The following RYR3 variants were observed in gnomAD, a reference collection of about 807,000 sequenced individuals.
RYR3 encodes the protein brain ryanodine receptor-calcium release channel.
Under a neutral mutation model 584.3 loss-of-function variants are expected in RYR3, and 207 were observed. The ratio of observed to expected loss-of-function variants is 0.35; its 90% CI spans 0.32 to 0.40. RYR3 has a LOEUF of 0.40. Ranked by LOEUF, RYR3 falls within the 10% of genes least tolerant of loss-of-function variation. The pLI, the probability that RYR3 is intolerant of heterozygous loss-of-function variation, is 1.00. For missense variants in RYR3, 5,616 were observed against 6,089.2 expected, an observed-to-expected ratio of 0.92 and a Z score of 2.59; for synonymous variants, 2,416 against 2,248.5, an observed-to-expected ratio of 1.07 and a Z score of -2.11.
chr15:33,646,367 G>A lies in RYR3; in HGVS notation c.3782G>A (p.Gly1261Asp). The A allele has an allele frequency of 6.2e-7, 1 of 1,608,104 alleles. No individual in the cohort carries two copies. Among genetic ancestry groups the A allele is most frequent in the Non-Finnish European group, 8.5e-7 (1 of 1,175,796 alleles). ...TGTTTCCAGGTCATGAGGATTGATG[G>A]CACCATGGACAGCCCTCCGTGTCTC... ...HPHIEVMRID[G>D]TMDSPPCLKV... Residue 1261 changes from glycine to aspartate, a missense_variant, in exon 29 of 104, where the codon GGC (glycine) becomes GAC (aspartate). By Grantham distance (94) the Gly-to-Asp change is moderately conservative (BLOSUM62 -1). Transcript: ENST00000634891.
At position 33,662,641 on chromosome 15, in the gene RYR3, A is replaced by G. The variant is rs761349864; in HGVS notation, c.5111A>G (p.Gln1704Arg). Residue 1704 changes from glutamine (Q) to arginine (R), a missense_variant, in exon 35 of 104, where the codon CAG (glutamine) becomes CGG (arginine). Gln to Arg is a conservative substitution (Grantham distance 43). Coordinates refer to ENST00000634891, the MANE Select transcript of RYR3 (RefSeq NM_001036.6). Reference protein sequence around the residue: ...KALSMLTEAVQCSGAHIRDPV... With the variant: ...KALSMLTEAVRCSGAHIRDPV... The stretch of plus-strand genomic sequence containing the variant: ...CTGAGTATGCTGACAGAGGCAGTGC[A>G]GTGCAGCGGGGCCCACATCCGAGAC... 2.5e-6 allele frequency: 4 copies of G among 1,613,934 alleles called. No homozygotes were observed. Among genetic ancestry groups the G allele is most frequent in the Non-Finnish European group, 3.4e-6 (4 of 1,179,922 alleles).
intron 2 of RYR3, among the ~76,000 whole-genome samples, chr15:33,477,044 C>G (rs541655046): frequency 1.3e-5 from 2 of 152,242 alleles, no homozygotes; most frequent in Admixed American, 6.5e-5. Flanking sequence ...ACGAGCTGTA[C>G]CATTCTTAGA....
At chr15:33,625,291 A>T (rs768802841) in intron 20 of RYR3, among the ~76,000 whole-genome samples, 4 of 152,188 alleles carry the variant, frequency 2.6e-5, no homozygotes, top group Admixed American at 6.5e-5. Context: ...CCTTCCCCCG[A>T]CATGTGGGAA....
At chr15:33,671,805 CTTTTT>C (rs56206846) in intron 38 of RYR3, among the ~76,000 whole-genome samples, 4 of 80,314 alleles carry the variant, frequency 5.0e-5, no homozygotes, top group East Asian at 7.0e-4. Flanking sequence ...CCTTCTTTTT[CTTTTT>C]TTTTTTTTTT....
chr15:33,402,926 T>C (rs2042776699), intron 1 of RYR3, among the ~76,000 whole-genome samples: 1 of 152,244 alleles, frequency 6.6e-6, no homozygotes, highest in South Asian at 2.1e-4. Flanking sequence ...CAGCTGGATG[T>C]GGATGGGCAG....
At chr15:33,535,621 T>G (rs1260733264) in intron 5 of RYR3, among the ~76,000 whole-genome samples, 1 of 152,204 alleles carries the variant, frequency 6.6e-6, no homozygotes, top group South Asian at 2.1e-4. Flanking sequence ...TCAAATATGG[T>G]CACTGTATTT....
At chr15:33,530,302 C>G (rs1020499982) in intron 3 of RYR3, among the ~76,000 whole-genome samples, 1 of 152,202 alleles carries the variant, frequency 6.6e-6, no homozygotes, top group African/African-American at 2.4e-5. Flanking sequence ...GTACCTATGT[C>G]ACTTACATGC....
chr15:33,399,081 C>T (rs1448165293), intron 1 of RYR3, among the ~76,000 whole-genome samples: 5 of 152,082 alleles, frequency 3.3e-5, no homozygotes, highest in African/African-American at 4.8e-5. Flanking sequence ...GCAGAGACAC[C>T]ATGGTAAAGA....
rs767689632 is a variant in RYR3 at position 33,662,779 on chromosome 15, T to C, written c.5249T>C (p.Ile1750Thr). 1.1e-5 allele frequency: 17 copies of C among 1,613,900 alleles called. No individual in the cohort carries two copies. The highest frequency in any genetic ancestry group is 4.5e-5 in the East Asian group (2 of 44,898). Residue 1750 changes from isoleucine to threonine, a missense_variant, in exon 35 of 104, where the codon ATT (isoleucine) becomes ACT (threonine). Physicochemically the swap from Ile to Thr is moderately conservative, Grantham distance 89 (BLOSUM62 -1). Coordinates refer to ENST00000634891, the MANE Select transcript of RYR3 (RefSeq NM_001036.6). ...GATGTTCGGCAGATCCTCCTCCTGA[T>C]TGATCCCTCTGTGTTTGGGGAGCAT... ...DDDVRQILLL[I>T]DPSVFGEHSA...
At position 33,652,870 on chromosome 15, in the gene RYR3, G is replaced by A. The variant is rs761043549; in HGVS notation, c.4295G>A (p.Gly1432Asp). 1.9e-6 allele frequency: 3 copies of A among 1,611,102 alleles called. No homozygotes were observed. The Admixed American group carries it at 5.1e-5, about 27-fold the overall frequency. Residue 1432 changes from glycine (G) to aspartate (D), a missense_variant, in exon 32 of 104, where the codon GGC becomes GAC. Gly to Asp is a moderately conservative substitution (Grantham distance 94). Transcript: ENST00000634891. Reference sequence around the variant, plus strand: ...TTCTCAGCCAATGGAAAGGAACTGGGCACCTGCTACCAGGTAAGGGCGGCT... The same window carrying A: ...TTCTCAGCCAATGGAAAGGAACTGGACACCTGCTACCAGGTAAGGGCGGCT... ...LSFSANGKEL[G>D]TCYQVEPNTK...
chr15:33,660,251 C>T lies in RYR3; in HGVS notation c.4450C>T (p.Pro1484Ser), dbSNP rs2152702905. ...CAGGAGTGAAGAGAAGAACCCAGTCCCACAGTGTCCACCTCGGCTGGACGT... is the reference window on the plus strand; with the variant it reads ...CAGGAGTGAAGAGAAGAACCCAGTCTCACAGTGTCCACCTCGGCTGGACGT... ...IFRSEEKNPV[P>S]QCPPRLDVQT... Residue 1484 changes from proline to serine, a missense_variant, in exon 34 of 104, where the codon CCA becomes TCA. This residue lies in a region of RYR3 where 753 missense variants were observed against 741.0 expected (regional missense o/e 1.02). Coordinates refer to ENST00000634891, the MANE Select transcript of RYR3 (RefSeq NM_001036.6). The T allele has an allele frequency of 1.3e-6, 2 of 1,554,416 alleles. No homozygotes were observed. The highest frequency in any genetic ancestry group is 1.7e-6 in the Non-Finnish European group (2 of 1,148,674).
At chr15:33,671,963 G>A (rs4337271) in intron 38 of RYR3, among the ~76,000 whole-genome samples, 51,620 of 151,550 alleles carry the variant, frequency 0.34, 10,370 homozygotes, top group Non-Finnish European at 0.46. Context: ...ACAGGCATGC[G>A]CCACCATGTC....
chr15:33,383,976 T>G (rs1402127817), intron 1 of RYR3, among the ~76,000 whole-genome samples: 1 of 152,214 alleles, frequency 6.6e-6, no homozygotes, highest in African/African-American at 2.4e-5. Flanking sequence ...TGGGTGCAGA[T>G]GGAGGCCATT....
intron 1 of RYR3, among the ~76,000 whole-genome samples, chr15:33,385,317 G>T (rs545591049): frequency 6.6e-6 from 1 of 152,210 alleles, no homozygotes; most frequent in East Asian, 1.9e-4. Flanking sequence ...GTAGAAGGTG[G>T]AGAAATATGT....
At chr15:33,424,949 A>G (rs1245182049) in intron 1 of RYR3, among the ~76,000 whole-genome samples, 1 of 152,166 alleles carries the variant, frequency 6.6e-6, no homozygotes, top group African/African-American at 2.4e-5. Flanking sequence ...CAAGAAGAAG[A>G]AAATGGGAAT....
At chr15:33,455,675 C>T (rs2047493437) in intron 1 of RYR3, among the ~76,000 whole-genome samples, 1 of 152,096 alleles carries the variant, frequency 6.6e-6, no homozygotes, top group South Asian at 2.1e-4. Flanking sequence ...GACAATATCA[C>T]ACATTGTAGA....
chr15:33,805,856 T>A (rs1741900802), intron 69 of RYR3, among the ~76,000 whole-genome samples: 2 of 152,054 alleles, frequency 1.3e-5, no homozygotes, highest in African/African-American at 4.8e-5. Context: ...TGTCTCTCTC[T>A]CTCATAAATG....
At chr15:33,661,918 A>G (rs1484980865) in intron 34 of RYR3, among the ~76,000 whole-genome samples, 4 of 152,186 alleles carry the variant, frequency 2.6e-5, no homozygotes, top group Non-Finnish European at 5.9e-5. Flanking sequence ...AGACTTTCAT[A>G]TTTGGTAAAC....
intron 1 of RYR3, among the ~76,000 whole-genome samples, chr15:33,425,091 C>A (rs2044511227): frequency 6.6e-6 from 1 of 152,156 alleles, no homozygotes; most frequent in Non-Finnish European, 1.5e-5. Context: ...AGTCAACAGA[C>A]TCCTTAAAAG....
Sources: gnomAD v4.1 joint callset for allele counts (sites outside exome capture counted in the v4.1 genomes callset) on GRCh38, gnomAD v4.1.1 for gene constraint, gnomAD v4.1.1 regional missense constraint, MANE v1.5 for transcripts, NCBI Gene and HGNC (gene_info 2026-07-23, HGNC 2026-07-21) for gene names.